ANKRD55: variants seen among roughly 807,000 people sequenced by gnomAD.
ANKRD55 encodes ankyrin repeat domain-containing protein 55.
In ANKRD55, 41 loss-of-function variants were observed where a neutral mutation model predicts 60.6. The ratio of observed to expected loss-of-function variants is 0.68; its 90% CI spans 0.53 to 0.88. The LOEUF is 0.88. Ranked by LOEUF, ANKRD55 falls within the 40% of genes least tolerant of loss-of-function variation. The probability of loss-of-function intolerance (pLI) is 0.00; values close to 1 mark genes in which losing one functional copy is unlikely to be tolerated. For synonymous variants in ANKRD55, 264 were observed against 290.3 expected (o/e 0.91, Z 0.92); for missense variants, 732 against 767.6 (o/e 0.95, Z 0.55).
chr5:56,217,692 A>T (rs766262042), intron 2 of ANKRD55, among the ~76,000 whole-genome samples: 1 of 152,182 alleles, frequency 6.6e-6, no homozygotes, highest in Non-Finnish European at 1.5e-5. Flanking sequence ...CAGGAGATTG[A>T]GACCGTCCTG....
chr5:56,146,342 T>C (rs1209844414), intron 6 of ANKRD55, among the ~76,000 whole-genome samples: 1 of 151,492 alleles, frequency 6.6e-6, no homozygotes, highest in Non-Finnish European at 1.5e-5. Context: ...TGGAGTGCAA[T>C]GGCGCAATTT....
chr5:56,116,448 G>A (rs559435396), intron 9 of ANKRD55, among the ~76,000 whole-genome samples, 167 bp downstream of exon 9: 68 of 152,070 alleles, frequency 4.5e-4, no homozygotes, highest in Non-Finnish European at 7.8e-4. Context: ...AATGGCAAAC[G>A]TTAATTATAG....
chr5:56,112,513 A>AAAAAAAAC, intron 9 of ANKRD55, among the ~76,000 whole-genome samples: 2 of 149,654 alleles, frequency 1.3e-5, no homozygotes, highest in African/African-American at 4.9e-5. Context: ...GCAAAAAAAA[A>AAAAAAAAC]AAAAAAAAAC....
At chr5:56,122,790 C>T (rs549250919) in intron 8 of ANKRD55, among the ~76,000 whole-genome samples, 51 of 150,418 alleles carry the variant, frequency 3.4e-4, no homozygotes, top group African/African-American at 1.1e-3. Flanking sequence ...TTTTGAGATA[C>T]GGTCTCACTC....
intron 3 of ANKRD55, among the ~76,000 whole-genome samples, chr5:56,181,338 AGTT>A (rs111805848): frequency 4.6e-5 from 7 of 151,912 alleles, no homozygotes; most frequent in South Asian, 2.1e-4. Context: ...TTAGCTCTAG[AGTT>A]GTTGTTGTTG....
At chr5:56,132,723 GTCAGGGTGGATAGAAAAA>G (rs1757457902) in intron 7 of ANKRD55, among the ~76,000 whole-genome samples, 2 of 152,044 alleles carry the variant, frequency 1.3e-5, no homozygotes. Context: ...GACAGAGATT[GTCAGGGTGGATAGAAAAA>G]TAAGACCCAA....
intron 7 of ANKRD55, among the ~76,000 whole-genome samples, chr5:56,141,534 C>G (rs1193611082): frequency 6.6e-6 from 1 of 152,124 alleles, no homozygotes; most frequent in Non-Finnish European, 1.5e-5. Flanking sequence ...GGGCTGAAAT[C>G]AATGTAGTAG....
rs187475570 is a variant in ANKRD55, at chr5:56,152,707, T to C, written c.483+7126A>G. Among the ~76,000 whole-genome samples the C allele has an allele frequency of 2.0e-3, 304 of 152,282 alleles. 1 individual carries two copies. Among genetic ancestry groups the C allele is most frequent in the Non-Finnish European group, 3.5e-3 (237 of 68,018 alleles). ...GCTTTTTTCAGTGTTAACCGCAGTG[T>C]GGATAACTTCTAAATAAGTCAGTTT... On this transcript the variant is annotated intron_variant, in intron 6 of 11. Transcript: ENST00000341048.
At chr5:56,117,159 G>C (rs915064718) in intron 8 of ANKRD55, among the ~76,000 whole-genome samples, 1 of 152,192 alleles carries the variant, frequency 6.6e-6, no homozygotes, top group South Asian at 2.1e-4. Flanking sequence ...GTAATACTGA[G>C]TATTGTCACT....
At chr5:56,131,160 A>AC (rs1043613875) in intron 7 of ANKRD55, among the ~76,000 whole-genome samples, 17 of 147,120 alleles carry the variant, frequency 1.2e-4, no homozygotes, top group Admixed American at 5.0e-4. Flanking sequence ...AAAAACAACA[A>AC]AAAAAAACAA....
intron 7 of ANKRD55, among the ~76,000 whole-genome samples, chr5:56,129,316 T>C (rs140775420): frequency 3.9e-5 from 6 of 152,282 alleles, no homozygotes; most frequent in African/African-American, 1.4e-4. Flanking sequence ...AAAGAAACAG[T>C]ATTGTACATA....
At chr5:56,144,275 T>G (rs1186268056) in intron 6 of ANKRD55, among the ~76,000 whole-genome samples, 2 of 152,182 alleles carry the variant, frequency 1.3e-5, no homozygotes, top group African/African-American at 4.8e-5. Flanking sequence ...CGTAGGATGC[T>G]GGTGAGAGAG....
At chr5:56,175,141 A>G (rs1344306810) in intron 4 of ANKRD55, among the ~76,000 whole-genome samples, 1 of 152,210 alleles carries the variant, frequency 6.6e-6, no homozygotes, top group Non-Finnish European at 1.5e-5. Context: ...GAAAATGAAA[A>G]AGTAGGCTCT....
intron 2 of ANKRD55, chr5:56,193,683 T>C (rs115130951): frequency 5.4e-5 from 12 of 220,554 alleles, no homozygotes; most frequent in Non-Finnish European, 8.4e-5. Flanking sequence ...AGCATTGCCC[T>C]GAAGAAGGAC....
At chr5:56,165,432 T>C (rs886080240) in intron 5 of ANKRD55, among the ~76,000 whole-genome samples, 1 of 152,214 alleles carries the variant, frequency 6.6e-6, no homozygotes, top group African/African-American at 2.4e-5. Flanking sequence ...TAGCTTCTTA[T>C]AATGTTTATG....
At chr5:56,106,651 C>T (rs763666562) in intron 10 of ANKRD55, among the ~76,000 whole-genome samples, 29 of 151,908 alleles carry the variant, frequency 1.9e-4, no homozygotes, top group Non-Finnish European at 4.0e-4. Flanking sequence ...AGGCTGGTCT[C>T]GAACTCCTGA....
chr5:56,180,371 T>G (rs1002842947), intron 3 of ANKRD55, among the ~76,000 whole-genome samples: 4 of 152,220 alleles, frequency 2.6e-5, no homozygotes, highest in African/African-American at 9.7e-5. Flanking sequence ...ACTTTATTCT[T>G]TTTCAAAATT....
At chr5:56,105,055 A>G (rs957535269) in intron 10 of ANKRD55, among the ~76,000 whole-genome samples, 1 of 150,952 alleles carries the variant, frequency 6.6e-6, no homozygotes, top group Non-Finnish European at 1.5e-5. Context: ...TGAAGTGTGT[A>G]GGTGTGTAGG....
intron 2 of ANKRD55, among the ~76,000 whole-genome samples, chr5:56,225,835 G>C (rs1361727996): frequency 6.6e-6 from 1 of 151,944 alleles, no homozygotes; most frequent in Non-Finnish European, 1.5e-5. Context: ...AAATAAAAGA[G>C]GACACAAACA....
Sources: allele counts gnomAD v4.1 joint callset (sites outside exome capture counted in the v4.1 genomes callset), GRCh38; gene constraint gnomAD v4.1.1; transcripts MANE v1.5; gene names NCBI Gene and HGNC (gene_info 2026-07-23, HGNC 2026-07-21).